Variants in PLEKHA7 observed in about 807,000 individuals in gnomAD.
PLEKHA7 encodes pleckstrin homology domain-containing family A member 7.
A neutral mutation model predicts 170.0 loss-of-function variants in PLEKHA7; 104 were observed. The observed-to-expected ratio is 0.61, with a 90% confidence interval of 0.52 to 0.72. The LOEUF (loss-of-function observed/expected upper bound fraction) is 0.72. Among genes scored for constraint, PLEKHA7 ranks in the 30% least tolerant of loss-of-function variants. The pLI, the probability that PLEKHA7 is intolerant of heterozygous loss-of-function variation, is 0.00. For missense variants in PLEKHA7, 1,615 were observed against 1,671.7 expected (o/e 0.97, Z 0.59); for synonymous variants, 648 against 660.8 (o/e 0.98, Z 0.30).
chr11:16,854,095 T>G (rs951840819), intron 6 of PLEKHA7, among the ~76,000 whole-genome samples: 5 of 152,210 alleles, frequency 3.3e-5, no homozygotes, highest in Admixed American at 1.3e-4. Flanking sequence ...ATACTTGCTC[T>G]TAGCAACTTA....
chr11:16,783,271 G>A (rs898699776), intron 25 of PLEKHA7, among the ~76,000 whole-genome samples: 1 of 152,194 alleles, frequency 6.6e-6, no homozygotes, highest in Admixed American at 6.5e-5. Flanking sequence ...CAGGGGAGTG[G>A]GCAATGCCTC....
chr11:16,818,495 C>T (rs534052001), intron 10 of PLEKHA7, among the ~76,000 whole-genome samples: 23 of 152,352 alleles, frequency 1.5e-4, no homozygotes, highest in African/African-American at 5.3e-4. Flanking sequence ...CCTTCCCCCA[C>T]GTGGACCTTC....
At chr11:16,902,273 G>C (rs992899646) in intron 3 of PLEKHA7, among the ~76,000 whole-genome samples, 2 of 152,182 alleles carry the variant, frequency 1.3e-5, no homozygotes, top group African/African-American at 2.4e-5. Context: ...TTTTCACTTT[G>C]AGGATATTAT....
At chr11:16,883,751 T>A (rs1855876010) in intron 3 of PLEKHA7, among the ~76,000 whole-genome samples, 1 of 152,192 alleles carries the variant, frequency 6.6e-6, no homozygotes, top group South Asian at 2.1e-4. Flanking sequence ...TCTTCAGTAT[T>A]AATATATAGC....
chr11:16,855,680 G>A (rs144616815), intron 5 of PLEKHA7, 123 bp downstream of exon 5: 7,863 of 743,544 alleles, frequency 0.011, 63 homozygotes, highest in Admixed American at 0.014. Flanking sequence ...GTCATTTGGG[G>A]AGAACACTTC....
chr11:16,971,104 T>A (rs1294858960), intron 3 of PLEKHA7, among the ~76,000 whole-genome samples: 1 of 152,230 alleles, frequency 6.6e-6, no homozygotes, highest in Non-Finnish European at 1.5e-5. Flanking sequence ...GTGTTTTTAA[T>A]AGACAGAAAC....
At chr11:16,864,332 GCTAAGTGT>G (rs1409245421) in intron 4 of PLEKHA7, among the ~76,000 whole-genome samples, 1 of 152,140 alleles carries the variant, frequency 6.6e-6, no homozygotes, top group Non-Finnish European at 1.5e-5. Flanking sequence ...TAGTAAGGGT[GCTAAGTGT>G]TAGCTATAAA....
Position 16,816,780 on chromosome 11 carries a change from C to G in PLEKHA7, c.1866+20G>C. ...CCCTCATGATGACCCAGCAGCCTGG[C>G]AGAGCTTCCCGAGCCTCACCTTGAC... On this transcript the variant is annotated intron_variant, in intron 11 of 26. Transcript: ENST00000531066. 1 of 1,608,874 alleles carries G rather than the reference C, an allele frequency of 6.2e-7. No homozygotes were observed. The highest frequency in any genetic ancestry group is 8.5e-7 in the Non-Finnish European group (1 of 1,177,832).
intron 3 of PLEKHA7, among the ~76,000 whole-genome samples, chr11:16,926,289 C>CT (rs1371507571): frequency 2.0e-5 from 3 of 152,178 alleles, no homozygotes; most frequent in African/African-American, 7.2e-5. Flanking sequence ...AACTATGTCT[C>CT]TTTTCTTTCT....
At chr11:16,927,595 A>G (rs2136301497) in intron 3 of PLEKHA7, among the ~76,000 whole-genome samples, 2 of 152,386 alleles carry the variant, frequency 1.3e-5, no homozygotes, top group South Asian at 2.1e-4. Context: ...AAGGCATGCT[A>G]TGCAAGACTC....
rs564236209 is a variant in PLEKHA7, at chr11:16,981,802, G to A, written c.221+32187C>T. ...AGCCCAGCAGCAGCATTTCAACAGAGCCACCATTGTCTCCGTCTGAACTGC... is the reference window on the plus strand; with the variant it reads ...AGCCCAGCAGCAGCATTTCAACAGAACCACCATTGTCTCCGTCTGAACTGC... On this transcript the variant is annotated intron_variant, in intron 3 of 26. Coordinates refer to ENST00000531066, the MANE Select transcript of PLEKHA7 (RefSeq NM_001329630.2). 7.9e-5 allele frequency among the ~76,000 whole-genome samples: 12 copies of A among 152,286 alleles called. No individual in the cohort carries two copies. In the South Asian group the frequency reaches 2.3e-3, roughly 29 times the overall value.
intron 3 of PLEKHA7, among the ~76,000 whole-genome samples, chr11:16,981,631 G>A (rs1490831203): frequency 2.6e-5 from 4 of 152,142 alleles, no homozygotes; most frequent in Admixed American, 1.3e-4. Flanking sequence ...AATAGTAGAC[G>A]GGGTTGGGGG....
chr11:16,831,552 C>G (rs1851112170), intron 9 of PLEKHA7, among the ~76,000 whole-genome samples: 2 of 152,220 alleles, frequency 1.3e-5, no homozygotes, highest in East Asian at 1.9e-4. Flanking sequence ...TCGTGAACAT[C>G]TGAAACCGGT....
chr11:16,952,712 T>A (rs1861482369), intron 3 of PLEKHA7, among the ~76,000 whole-genome samples: 1 of 152,202 alleles, frequency 6.6e-6, no homozygotes, highest in Non-Finnish European at 1.5e-5. Flanking sequence ...TGGTTAAGCA[T>A]CCCTAACCCC....
chr11:16,881,005 G>A (rs1022791055), intron 3 of PLEKHA7, among the ~76,000 whole-genome samples: 7 of 152,196 alleles, frequency 4.6e-5, no homozygotes, highest in African/African-American at 1.7e-4. Flanking sequence ...AGGCAGACCA[G>A]TTGTCCTCCC....
Position 16,970,484 on chromosome 11 carries a change from A to G in PLEKHA7, c.221+43505T>C, listed in dbSNP as rs548479852. Among the ~76,000 whole-genome samples, 3 of 152,132 alleles carry G rather than the reference A, an allele frequency of 2.0e-5. 1 individual carries two copies. The South Asian group carries it at 6.2e-4, about 32-fold the overall frequency. On this transcript the variant is annotated intron_variant, in intron 3 of 26. Transcript: ENST00000531066. ...AGACCAGCCTGTGCAACAAAGTGAG[A>G]CCTTGTCTCTGTAAAAAATAAAAAA...
Position 17,014,343 on chromosome 11 carries a change from C to A in PLEKHA7, c.59G>T (p.Cys20Phe). Residue 20 changes from cysteine (C) to phenylalanine (F), a missense_variant, in exon 1 of 27, where the codon TGC (cysteine) becomes TTC (phenylalanine). Cys to Phe is a radical substitution (Grantham distance 205). Coordinates refer to ENST00000531066, the MANE Select transcript of PLEKHA7 (RefSeq NM_001329630.2). Reference sequence around the variant, plus strand: ...GATGAAGAAGACGCGGCCATCCCGGCACACCCCGTAGGACCAATGCTCAGG... The same window carrying A: ...GATGAAGAAGACGCGGCCATCCCGGAACACCCCGTAGGACCAATGCTCAGG... ...TLPEHWSYGV[C>F]RDGRVFFIND... The A allele has an allele frequency of 1.4e-6, 2 of 1,451,256 alleles. No individual in the cohort carries two copies. Among genetic ancestry groups the A allele is most frequent in the South Asian group, 1.4e-5 (1 of 71,608 alleles). The allele number at this position is 1,451,256 out of a possible 1,614,324, so 89.9% of individuals were successfully genotyped here. A position where few individuals can be genotyped will look rare whatever the true frequency, so the allele number is the denominator to read the frequency against.
At chr11:16,986,438 C>T (rs1026071761) in intron 3 of PLEKHA7, among the ~76,000 whole-genome samples, 4 of 152,062 alleles carry the variant, frequency 2.6e-5, no homozygotes, top group Non-Finnish European at 5.9e-5. Context: ...AAAGTGCAGC[C>T]CCACCAGAGC....
intron 13 of PLEKHA7, among the ~76,000 whole-genome samples, chr11:16,804,729 A>T (rs1848829248): frequency 6.6e-6 from 1 of 152,228 alleles, no homozygotes; most frequent in South Asian, 2.1e-4. Context: ...AGGGAAACAC[A>T]TGTAGGTCAG....
Sources: allele counts gnomAD v4.1 joint callset (sites outside exome capture counted in the v4.1 genomes callset), GRCh38; gene constraint gnomAD v4.1.1; transcripts MANE v1.5; gene names NCBI Gene and HGNC (gene_info 2026-07-23, HGNC 2026-07-21).